The following ADAM32 variants were observed in gnomAD, a reference collection of about 807,000 sequenced individuals.
ADAM32 encodes disintegrin and metalloproteinase domain-containing protein 32.
ADAM32 carries 89 observed loss-of-function variants against 114.9 expected under a neutral mutation model. The ratio of observed to expected loss-of-function variants is 0.77; its 90% CI spans 0.65 to 0.92. The LOEUF is 0.92. ADAM32 is among the 40% of genes least tolerant of loss of function. The pLI, the probability that ADAM32 is intolerant of heterozygous loss-of-function variation, is 0.00. For synonymous variants in ADAM32, 285 were observed against 307.5 expected (o/e 0.93, Z 0.77); for missense variants, 870 against 932.8 (o/e 0.93, Z 0.88).
intron 17 of ADAM32, among the ~76,000 whole-genome samples, chr8:39,248,071 C>T (rs1811043648): frequency 6.6e-6 from 1 of 152,126 alleles, no homozygotes; most frequent in Non-Finnish European, 1.5e-5. Flanking sequence ...TCTCCTATAT[C>T]ATATTGCCTC....
chr8:39,174,244 GT>G (rs1805373550), intron 10 of ADAM32, among the ~76,000 whole-genome samples: 1 of 152,186 alleles, frequency 6.6e-6, no homozygotes, highest in Admixed American at 6.5e-5. Flanking sequence ...GCTTGTTTGT[GT>G]CAGATTTGTT....
At chr8:39,206,995 C>T (rs1201697240) in intron 11 of ADAM32, among the ~76,000 whole-genome samples, 1 of 152,012 alleles carries the variant, frequency 6.6e-6, no homozygotes, top group Non-Finnish European at 1.5e-5. Flanking sequence ...GAAGCACCTG[C>T]CTATACTAAT....
In ADAM32 at chr8:39,160,969, T is replaced by G. The variant is rs911526763; in HGVS notation, c.594+4T>G. ...TATTGTGGTGGACAAAACTTTGGTA[T>G]GTGTTTTGCTTTTTCTTTGCTTTGA... On this transcript the variant is annotated splice_donor_region_variant and intron_variant, in intron 7 of 24. Transcript: ENST00000379907. 1.9e-6 allele frequency: 3 copies of G among 1,578,232 alleles called. No individual in the cohort carries two copies. In the African/African-American group the frequency reaches 4.0e-5, roughly 21 times the overall value.
chr8:39,170,197 G>T (rs1040993623), intron 10 of ADAM32, among the ~76,000 whole-genome samples, 200 bp downstream of exon 10: 2 of 152,046 alleles, frequency 1.3e-5, no homozygotes, highest in African/African-American at 4.8e-5. Context: ...ATGTTTCAGA[G>T]TTGGAATAAA....
At chr8:39,265,191 C>T (rs926853078) in intron 19 of ADAM32, among the ~76,000 whole-genome samples, 40 of 152,188 alleles carry the variant, frequency 2.6e-4, no homozygotes, top group African/African-American at 9.6e-4. Context: ...ACTGTTGGGC[C>T]CATATATATT....
At chr8:39,125,200 T>G (rs1271380951) in intron 2 of ADAM32, among the ~76,000 whole-genome samples, 1 of 152,202 alleles carries the variant, frequency 6.6e-6, no homozygotes, top group Non-Finnish European at 1.5e-5. Flanking sequence ...AGTTTTTTGT[T>G]TTTTTCTTAT....
chr8:39,274,347 G>T lies in ADAM32; in HGVS notation c.2237G>T (p.Ser746Ile), dbSNP rs200400990. The change falls in exon 21 of 25, where the codon AGC (serine) becomes ATC (isoleucine). Residue 746 changes from serine (S) to isoleucine (I), a missense_variant. Physicochemically the swap from Ser to Ile is moderately radical, Grantham distance 142. Transcript: ENST00000379907. ...SSEGSTQTYASQTRSESSSQA... is the reference protein window; with the variant it reads ...SSEGSTQTYAIQTRSESSSQA... ...GAAGGCAGCACTCAGACATATGCCA[G>T]CCAGTAAGTAGGTTAGAAGAGGTTT... 16 of 1,613,102 alleles carry T rather than the reference G, an allele frequency of 9.9e-6. No homozygotes were observed. The African/African-American group carries it at 1.6e-4, about 16-fold the overall frequency.
At chr8:39,111,805 C>A (rs1840173970) in intron 1 of ADAM32, among the ~76,000 whole-genome samples, 1 of 150,582 alleles carries the variant, frequency 6.6e-6, no homozygotes, top group African/African-American at 2.4e-5. Context: ...TGACTACCTA[C>A]CATGTTTTGT....
chr8:39,241,804 C>T (rs916599016), intron 16 of ADAM32, among the ~76,000 whole-genome samples: 2 of 152,240 alleles, frequency 1.3e-5, no homozygotes, highest in African/African-American at 2.4e-5. Flanking sequence ...ACAATTTCCC[C>T]ATTGTCTTGG....
chr8:39,223,136 A>G lies in ADAM32; in HGVS notation c.1423A>G (p.Ile475Val), dbSNP rs1247207999. ...AACCTCACCAGAATGTGGTCCTGAC[A>G]TAACTTTAATCAATGGACTTTCATG... is the stretch of plus-strand genomic sequence containing the variant. Reference protein sequence around the residue: ...NGTSPECGPDITLINGLSCKN... With the variant: ...NGTSPECGPDVTLINGLSCKN... Residue 475 changes from isoleucine (I) to valine (V), a missense_variant, in exon 14 of 25, where the codon ATA becomes GTA. Coordinates refer to ENST00000379907, the MANE Select transcript of ADAM32 (RefSeq NM_145004.7). 2.5e-6 allele frequency: 4 copies of G among 1,599,536 alleles called. No homozygotes were observed. Among genetic ancestry groups the G allele is most frequent in the South Asian group, 2.3e-5 (2 of 88,322 alleles).
intron 7 of ADAM32, among the ~76,000 whole-genome samples, chr8:39,162,455 G>A (rs1378690846): frequency 1.3e-5 from 2 of 151,960 alleles, no homozygotes; most frequent in Non-Finnish European, 2.9e-5. Context: ...ATTGTGAATA[G>A]TGCTGCAATA....
At chr8:39,248,430 C>G (rs1811072189) in intron 17 of ADAM32, among the ~76,000 whole-genome samples, 1 of 151,994 alleles carries the variant, frequency 6.6e-6, no homozygotes, top group South Asian at 2.1e-4. Context: ...ATACCAAGTA[C>G]TTCATTTTTT....
chr8:39,261,840 G>A (rs998809097), intron 19 of ADAM32, among the ~76,000 whole-genome samples: 4 of 152,000 alleles, frequency 2.6e-5, no homozygotes, highest in Admixed American at 6.6e-5. Context: ...TTGGCCATTT[G>A]TGTGTCTTCT....
At chr8:39,182,269 A>G (rs1291549343) in intron 10 of ADAM32, among the ~76,000 whole-genome samples, 2 of 152,210 alleles carry the variant, frequency 1.3e-5, no homozygotes, top group Admixed American at 1.3e-4. Context: ...CAGAATATAA[A>G]TAGATTATAG....
At chr8:39,178,484 T>G (rs1303895948) in intron 10 of ADAM32, among the ~76,000 whole-genome samples, 2 of 152,228 alleles carry the variant, frequency 1.3e-5, no homozygotes, top group African/African-American at 4.8e-5. Context: ...CAACAAAGTT[T>G]TTTATTACCC....
chr8:39,225,928 T>C (rs916204812), intron 14 of ADAM32, among the ~76,000 whole-genome samples: 5 of 152,090 alleles, frequency 3.3e-5, no homozygotes, highest in African/African-American at 1.2e-4. Context: ...ACACAATAAT[T>C]TTCTAATAAC....
intron 11 of ADAM32, among the ~76,000 whole-genome samples, chr8:39,201,249 C>T (rs553830571): frequency 2.6e-5 from 4 of 152,236 alleles, no homozygotes; most frequent in East Asian, 1.9e-4. Flanking sequence ...ATTCTTCCTA[C>T]CCATGAGCAT....
At position 39,210,448 on chromosome 8, in the gene ADAM32, T is replaced by G. The variant is rs528468180; in HGVS notation, c.1053-696T>G. ...TTTCTTGCATGGATAATTGTTCACT[T>G]CAGTGTCCCTACAGAGGGATGATCA... is the stretch of plus-strand genomic sequence containing the variant. On this transcript the variant is annotated intron_variant, in intron 11 of 24. Transcript: ENST00000379907. 2.0e-5 allele frequency among the ~76,000 whole-genome samples: 3 copies of G among 152,316 alleles called. No homozygotes were observed. The South Asian group carries it at 6.2e-4, about 32-fold the overall frequency.
At chr8:39,276,164 T>G (rs1040087197) in intron 22 of ADAM32, 1 of 282,088 alleles carries the variant, frequency 3.5e-6, no homozygotes. Context: ...AGGATCTTTT[T>G]GTATTCTTTT....
Sources: gnomAD v4.1 joint callset for allele counts (sites outside exome capture counted in the v4.1 genomes callset) on GRCh38, gnomAD v4.1.1 for gene constraint, MANE v1.5 for transcripts, NCBI Gene and HGNC (gene_info 2026-07-23, HGNC 2026-07-21) for gene names.